The following TERF2 variants were observed in gnomAD, a reference collection of about 807,000 sequenced individuals.
TERF2 encodes the protein telomeric repeat-binding factor 2.
In TERF2, 16 loss-of-function variants were observed where a neutral mutation model predicts 56.1. The ratio of observed to expected loss-of-function variants is 0.29; its 90% CI spans 0.19 to 0.43. TERF2 has a LOEUF of 0.43. TERF2 is among the 20% of genes least tolerant of loss of function. The probability of loss-of-function intolerance (pLI) is 1.00; values close to 1 mark genes in which losing one functional copy is unlikely to be tolerated. For missense variants in TERF2, 547 were observed against 712.9 expected, an observed-to-expected ratio of 0.77 and a Z score of 2.65; for synonymous variants, 296 against 282.1, an observed-to-expected ratio of 1.05 and a Z score of -0.50.
chr16:69,380,335 G>GT (rs2013948953), intron 3 of TERF2, among the ~76,000 whole-genome samples: 1 of 152,102 alleles, frequency 6.6e-6, no homozygotes, highest in Admixed American at 6.6e-5. Context: ...CGAAACTGCA[G>GT]TAAGTAAACT....
At chr16:69,375,721 A>AT (rs2013755192) in intron 3 of TERF2, among the ~76,000 whole-genome samples, 1 of 152,150 alleles carries the variant, frequency 6.6e-6, no homozygotes, top group South Asian at 2.1e-4. Flanking sequence ...AAGTAGCAGG[A>AT]TTATAGGCAT....
In TERF2 at chr16:69,357,534, T is replaced by G; in HGVS notation, c.1454A>C (p.Asn485Thr). ...QAAPDEDSTTNITKKQKWTVE... is the reference protein window; with the variant it reads ...QAAPDEDSTTTITKKQKWTVE... The stretch of plus-strand genomic sequence containing the variant: ...TTAAATTACCTGCTTTTTTGTTATA[T>G]TGGTTGTACTGTCTTCATCTGGTGC... The change falls in exon 9 of 10, where the codon AAT becomes ACT. Residue 485 changes from asparagine (N) to threonine (T), a missense_variant. Physicochemically the swap from Asn to Thr is moderately conservative, Grantham distance 65 (BLOSUM62 0). Around this residue, in one of 6 missense-constraint regions of TERF2, gnomAD observed 211 missense variants for 236.8 expected, o/e 0.89. Transcript: ENST00000254942. 6.2e-7 allele frequency: 1 copy of G among 1,613,224 alleles called. No individual in the cohort carries two copies. The highest frequency in any genetic ancestry group is 1.1e-5 in the South Asian group (1 of 90,740).
In TERF2 at chr16:69,366,895, C is replaced by G; in HGVS notation, c.1252G>C (p.Gly418Arg). The G allele has an allele frequency of 6.2e-7, 1 of 1,614,226 alleles. No individual in the cohort carries two copies. The highest frequency in any genetic ancestry group is 8.5e-7 in the Non-Finnish European group (1 of 1,180,038). ...GCGGCCTCCTGGGAGGAGTTGAGGCCTGCGCTGGGCTCAGTACTCTGGCTG... is the reference window on the plus strand; with the variant it reads ...GCGGCCTCCTGGGAGGAGTTGAGGCGTGCGCTGGGCTCAGTACTCTGGCTG... Reference protein sequence around the residue: ...EDSQSTEPSAGLNSSQEAASA... With the variant: ...EDSQSTEPSARLNSSQEAASA... The change falls in exon 7 of 10, where the codon GGC becomes CGC. Residue 418 changes from glycine to arginine, a missense_variant. Physicochemically the swap from Gly to Arg is moderately radical, Grantham distance 125. Around this residue, in one of 6 missense-constraint regions of TERF2, gnomAD observed 211 missense variants for 236.8 expected, o/e 0.89. Transcript: ENST00000254942.
At chr16:69,361,260 C>A in intron 8 of TERF2, 144 bp downstream of exon 8, 1 of 625,234 alleles carries the variant, frequency 1.6e-6, no homozygotes, top group Non-Finnish European at 2.8e-6. Context: ...AAAACTGATT[C>A]TTCATGAATT....
At chr16:69,380,325 C>T (rs1005946563) in intron 3 of TERF2, among the ~76,000 whole-genome samples, 3 of 152,074 alleles carry the variant, frequency 2.0e-5, no homozygotes, top group African/African-American at 4.8e-5. Context: ...TGATTCTACA[C>T]GAAACTGCAG....
intron 3 of TERF2, among the ~76,000 whole-genome samples, chr16:69,380,612 A>C (rs2013960685): frequency 1.3e-5 from 2 of 150,530 alleles, no homozygotes; most frequent in African/African-American, 4.9e-5. Context: ...AGCCGAGATC[A>C]CGCCACTATA....
At chr16:69,383,861 A>G (rs1173897936) in intron 3 of TERF2, among the ~76,000 whole-genome samples, 1 of 151,996 alleles carries the variant, frequency 6.6e-6, no homozygotes, top group African/African-American at 2.4e-5. Flanking sequence ...TTCCATCTTC[A>G]CCTCTGCATC....
chr16:69,380,893 C>T, intron 3 of TERF2, among the ~76,000 whole-genome samples: 1 of 147,658 alleles, frequency 6.8e-6, no homozygotes, highest in Admixed American at 6.7e-5. Flanking sequence ...CCTCCTCCTC[C>T]CGGGTTCAAG....
At chr16:69,365,018 C>T (rs1315072676) in intron 7 of TERF2, 2 of 152,264 alleles carry the variant, frequency 1.3e-5, no homozygotes, top group African/African-American at 4.8e-5. Flanking sequence ...CTGATTTGGC[C>T]CCAGGGCCAC....
chr16:69,356,468 G>A lies in TERF2; in HGVS notation c.*430C>T. Reference sequence around the variant, plus strand: ...AAATGGGACCTCCCCCACGTCGAAGGAGGTTGCCCAAAATTCTCATCCCAG... The same window carrying A: ...AAATGGGACCTCCCCCACGTCGAAGAAGGTTGCCCAAAATTCTCATCCCAG... On this transcript the variant is annotated 3_prime_UTR_variant, in exon 10 of 10. Coordinates refer to ENST00000254942, the MANE Select transcript of TERF2 (RefSeq NM_005652.5). 1 of 273,928 alleles carries A rather than the reference G, an allele frequency of 3.7e-6. No homozygotes were observed. Among genetic ancestry groups the A allele is most frequent in the Non-Finnish European group, 7.2e-6 (1 of 138,936 alleles). 17.0% of individuals were successfully genotyped at this position (273,928 alleles called of 1,614,324 possible).
chr16:69,362,132 C>T (rs936113379), intron 7 of TERF2, among the ~76,000 whole-genome samples: 1 of 151,842 alleles, frequency 6.6e-6, no homozygotes, highest in Non-Finnish European at 1.5e-5. Flanking sequence ...TCTAACCAAC[C>T]GCCCCACGAT....
intron 3 of TERF2, among the ~76,000 whole-genome samples, chr16:69,376,200 G>C (rs1351555982): frequency 6.6e-6 from 1 of 152,104 alleles, no homozygotes; most frequent in Non-Finnish European, 1.5e-5. Flanking sequence ...TTTACATTTA[G>C]ATTATAATTT....
chr16:69,378,529 A>T (rs2013877266), intron 3 of TERF2, among the ~76,000 whole-genome samples: 1 of 152,230 alleles, frequency 6.6e-6, no homozygotes, highest in Admixed American at 6.5e-5. Context: ...CTTGCTCCTC[A>T]GACCAGAAAG....
chr16:69,386,003 C>T lies in TERF2; in HGVS notation c.-32G>A. 4 of 1,302,122 alleles carry T rather than the reference C, an allele frequency of 3.1e-6. No homozygotes were observed. Among genetic ancestry groups the T allele is most frequent in the Non-Finnish European group, 3.9e-6 (4 of 1,025,908 alleles). 80.7% of individuals were successfully genotyped at this position (1,302,122 alleles called of 1,614,324 possible). On this transcript the variant is annotated 5_prime_UTR_variant, in exon 1 of 10. Coordinates refer to ENST00000254942, the MANE Select transcript of TERF2 (RefSeq NM_005652.5). ...AACAGCGTTCCGAGCCGCCCGCGGG[C>T]TTCTGGGAGGGAAAGGACCGGAGGG...
In TERF2 at chr16:69,374,081, G is replaced by C. The variant is rs144873550; in HGVS notation, c.607-1726C>G. Among the ~76,000 whole-genome samples the C allele has an allele frequency of 4.7e-3, 723 of 152,310 alleles. 10 individuals carry two copies. The highest frequency in any genetic ancestry group is 0.016 in the African/African-American group (647 of 41,556). On this transcript the variant is annotated intron_variant, in intron 3 of 9. Transcript: ENST00000254942. ...ACAAAGTAAGTCTTCATTTTACTCAGATGACCATATCCATTTATACATCAC... is the reference window on the plus strand; with the variant it reads ...ACAAAGTAAGTCTTCATTTTACTCACATGACCATATCCATTTATACATCAC...
chr16:69,380,958 C>T (rs895260751), intron 3 of TERF2, among the ~76,000 whole-genome samples: 12 of 151,674 alleles, frequency 7.9e-5, no homozygotes, highest in Non-Finnish European at 1.3e-4. Flanking sequence ...CCCACCACCA[C>T]GCCTGGCTAA....
chr16:69,359,155 G>C (rs2013031535), intron 8 of TERF2, among the ~76,000 whole-genome samples: 1 of 152,128 alleles, frequency 6.6e-6, no homozygotes, highest in Non-Finnish European at 1.5e-5. Context: ...CCAAAACTTT[G>C]TTATGTGGCA....
chr16:69,364,131 T>G (rs1376436194), intron 7 of TERF2, among the ~76,000 whole-genome samples: 1 of 152,226 alleles, frequency 6.6e-6, no homozygotes, highest in Non-Finnish European at 1.5e-5. Flanking sequence ...AGAATCCTTA[T>G]TTTACTTGGT....
At chr16:69,377,697 T>C (rs1206306913) in intron 3 of TERF2, among the ~76,000 whole-genome samples, 1 of 152,262 alleles carries the variant, frequency 6.6e-6, no homozygotes, top group South Asian at 2.1e-4. Flanking sequence ...GAAGCCATTG[T>C]AAATGGCATT....
Sources: allele counts gnomAD v4.1 joint callset (sites outside exome capture counted in the v4.1 genomes callset), GRCh38; gene constraint gnomAD v4.1.1; regional missense constraint gnomAD v4.1.1; transcripts MANE v1.5; gene names NCBI Gene and HGNC (gene_info 2026-07-23, HGNC 2026-07-21).